The following LUZP2 variants were observed in gnomAD, a reference collection of about 807,000 sequenced individuals.
The protein encoded by LUZP2 is leucine zipper protein 2.
A neutral mutation model predicts 51.6 loss-of-function variants in LUZP2; 52 were observed. The ratio of observed to expected loss-of-function variants is 1.01; its 90% CI spans 0.81 to 1.27. The LOEUF (loss-of-function observed/expected upper bound fraction) is 1.27. Among genes scored for constraint, LUZP2 ranks in the 50% most tolerant of loss-of-function variants. The pLI is 0.00. For synonymous variants in LUZP2, 154 were observed against 137.3 expected (o/e 1.12, Z -0.85); for missense variants, 436 against 395.4 (o/e 1.10, Z -0.87).
At chr11:24,690,894 T>C (rs922029214) in intron 1 of LUZP2, among the ~76,000 whole-genome samples, 4 of 152,098 alleles carry the variant, frequency 2.6e-5, no homozygotes, top group African/African-American at 9.6e-5. Flanking sequence ...AAATGTAATT[T>C]GTAAACTGCT....
chr11:24,795,114 T>A (rs1313157548), intron 5 of LUZP2, among the ~76,000 whole-genome samples: 1 of 152,176 alleles, frequency 6.6e-6, no homozygotes, highest in Non-Finnish European at 1.5e-5. Flanking sequence ...TAATTATTTA[T>A]GTTTGTTTCA....
intron 1 of LUZP2, among the ~76,000 whole-genome samples, chr11:24,665,684 C>T (rs534064744): frequency 6.6e-6 from 1 of 152,244 alleles, no homozygotes; most frequent in African/African-American, 2.4e-5. Context: ...TCCCTCTTTG[C>T]TTGGCTCTCA....
At chr11:24,922,823 A>ATTTT (rs1854100383) in intron 7 of LUZP2, among the ~76,000 whole-genome samples, 1 of 91,484 alleles carries the variant, frequency 1.1e-5, no homozygotes, top group African/African-American at 3.9e-5. Context: ...GCACAGTTAT[A>ATTTT]TCTTTTTTTT....
intron 1 of LUZP2, among the ~76,000 whole-genome samples, chr11:24,561,471 C>G (rs1339268867): frequency 1.3e-5 from 2 of 152,134 alleles, no homozygotes; most frequent in South Asian, 2.1e-4. Context: ...AAACTCTGCT[C>G]CTTTTCACTG....
At chr11:24,691,670 CAA>C (rs1590353822) in intron 1 of LUZP2, among the ~76,000 whole-genome samples, 1 of 151,900 alleles carries the variant, frequency 6.6e-6, no homozygotes, top group East Asian at 1.9e-4. Context: ...AGAAAAAGAG[CAA>C]AGAGTACCAT....
intron 1 of LUZP2, among the ~76,000 whole-genome samples, chr11:24,516,029 C>A (rs924996395): frequency 1.3e-5 from 2 of 152,126 alleles, no homozygotes; most frequent in African/African-American, 4.8e-5. Context: ...GGCTGATCCA[C>A]CTGGATTTGA....
chr11:24,683,593 C>G (rs1217108788), intron 1 of LUZP2, among the ~76,000 whole-genome samples: 2 of 152,184 alleles, frequency 1.3e-5, no homozygotes, highest in Non-Finnish European at 2.9e-5. Context: ...AGCTTCCATA[C>G]CATACTTTAC....
At chr11:24,643,254 C>CAAAAAGAAA (rs1855358590) in intron 1 of LUZP2, among the ~76,000 whole-genome samples, 3 of 75,722 alleles carry the variant, frequency 4.0e-5, no homozygotes, top group South Asian at 4.3e-4. Context: ...ACTAAAAGTA[C>CAAAAAGAAA]AAAAAAAAAA....
chr11:24,796,491 CTGTG>C lies in LUZP2; in HGVS notation c.396+33222_396+33225del, dbSNP rs57329413. On this transcript the variant is annotated intron_variant, in intron 5 of 11. Transcript: ENST00000336930. Reference sequence around the variant, plus strand: ...TATAATTTTGTATGGTAATAATAATCTGTGTGTGTGTGTGTGTGTGTGTGTGTGT... The same window carrying C: ...TATAATTTTGTATGGTAATAATAATCTGTGTGTGTGTGTGTGTGTGTGTGT... Among the ~76,000 whole-genome samples the C allele has an allele frequency of 2.7e-3, 337 of 124,622 alleles. 3 individuals carry two copies. Among genetic ancestry groups the C allele is most frequent in the South Asian group, 9.2e-3 (31 of 3,358 alleles). 81.8% of individuals were successfully genotyped at this position (124,622 alleles called of 152,430 possible).
intron 1 of LUZP2, among the ~76,000 whole-genome samples, chr11:24,661,106 T>A (rs1392874497): frequency 6.6e-6 from 1 of 152,118 alleles, no homozygotes; most frequent in African/African-American, 2.4e-5. Flanking sequence ...TACCAATTCA[T>A]ATATGTAGGT....
intron 1 of LUZP2, among the ~76,000 whole-genome samples, chr11:24,649,965 A>G (rs1425266628): frequency 9.1e-6 from 1 of 109,920 alleles, no homozygotes; most frequent in Non-Finnish European, 1.8e-5. Flanking sequence ...AGACACACAC[A>G]TACACACAGA....
chr11:24,717,331 G>A (rs1704455313), intron 1 of LUZP2, among the ~76,000 whole-genome samples: 1 of 151,078 alleles, frequency 6.6e-6, no homozygotes, highest in African/African-American at 2.4e-5. Context: ...ACATGTGGAG[G>A]TTTGTTACAT....
intron 7 of LUZP2, among the ~76,000 whole-genome samples, chr11:24,973,158 G>A (rs970328739): frequency 1.3e-5 from 2 of 149,404 alleles, no homozygotes; most frequent in Admixed American, 1.3e-4. Context: ...TTTCTTCCTG[G>A]TTCAGTCTTG....
chr11:24,786,024 C>T, intron 5 of LUZP2: 1 of 985,262 alleles, frequency 1.0e-6, no homozygotes, highest in East Asian at 1.1e-4. Flanking sequence ...AGTTGGGGCA[C>T]CGAGTACATC....
chr11:24,758,987 T>C (rs1473105046), intron 4 of LUZP2, among the ~76,000 whole-genome samples: 2 of 152,092 alleles, frequency 1.3e-5, no homozygotes, highest in East Asian at 1.9e-4. Flanking sequence ...TCTAATTCTG[T>C]TTAAAAATAC....
chr11:24,623,127 A>T (rs1423715829), intron 1 of LUZP2, among the ~76,000 whole-genome samples: 1 of 152,024 alleles, frequency 6.6e-6, no homozygotes, highest in Non-Finnish European at 1.5e-5. Context: ...AGAGAGATTG[A>T]GAGAGAGAAG....
chr11:24,612,026 G>A (rs73433046), intron 1 of LUZP2, among the ~76,000 whole-genome samples: 416 of 152,260 alleles, frequency 2.7e-3, no homozygotes, highest in African/African-American at 9.7e-3. Flanking sequence ...CTGAAAAAAT[G>A]TGAGCAAGAG....
chr11:24,550,419 A>C (rs1177769635), intron 1 of LUZP2, among the ~76,000 whole-genome samples: 1 of 152,112 alleles, frequency 6.6e-6, no homozygotes, highest in Admixed American at 6.6e-5. Context: ...GGTTGTTAGA[A>C]CTGCTTAACA....
chr11:24,717,707 G>A (rs1205723231), intron 1 of LUZP2, among the ~76,000 whole-genome samples: 3 of 151,930 alleles, frequency 2.0e-5, no homozygotes, highest in African/African-American at 7.2e-5. Context: ...GAGCCACCGC[G>A]CCCGGCCCCC....
Sources: allele counts gnomAD v4.1 joint callset (sites outside exome capture counted in the v4.1 genomes callset), GRCh38; gene constraint gnomAD v4.1.1; transcripts MANE v1.5; gene names NCBI Gene and HGNC (gene_info 2026-07-23, HGNC 2026-07-21).